Variants in PDS5B observed in about 807,000 individuals in gnomAD.
The protein encoded by PDS5B is sister chromatid cohesion protein PDS5 homolog B.
PDS5B carries 51 observed loss-of-function variants against 184.1 expected under a neutral mutation model. The observed-to-expected ratio is 0.28, with a 90% CI of 0.22 to 0.35. The LOEUF is 0.35. Among genes scored for constraint, PDS5B ranks in the 10% least tolerant of loss-of-function variants. The probability of loss-of-function intolerance (pLI) is 1.00; values close to 1 mark genes in which losing one functional copy is unlikely to be tolerated. For missense variants in PDS5B, 1,180 were observed against 1,723.3 expected, an observed-to-expected ratio of 0.68 and a Z score of 5.58; for synonymous variants, 566 against 569.2, an observed-to-expected ratio of 0.99 and a Z score of 0.08.
chr13:32,753,446 G>A lies in PDS5B; in HGVS notation c.2851G>A (p.Val951Ile). The change falls in exon 25 of 35, where the codon GTA becomes ATA. Residue 951 changes from valine to isoleucine, a missense_variant. Around this residue, in one of 11 missense-constraint regions of PDS5B, gnomAD observed 40 missense variants for 107.2 expected, o/e 0.37. Transcript: ENST00000315596. ...CTGTGCCCTTTGTGCAAAAGATCCT[G>A]TAAAGGAGAGAAGAGCTCATGCTAG... ...AICALCAKDP[V>I]KERRAHARQC... 1 of 1,613,858 alleles carries A rather than the reference G, an allele frequency of 6.2e-7. No homozygotes were observed.
intron 19 of PDS5B, among the ~76,000 whole-genome samples, chr13:32,712,485 A>G (rs1952239393): frequency 6.6e-6 from 1 of 152,218 alleles, no homozygotes; most frequent in Admixed American, 6.5e-5. Context: ...GAAAAATAAT[A>G]TAGTTAAGAG....
intron 34 of PDS5B, 71 bp from the exon 35 acceptor site, chr13:32,774,945 TA>T: frequency 2.3e-6 from 3 of 1,306,742 alleles, no homozygotes; most frequent in South Asian, 1.3e-5. Flanking sequence ...AAAGATTAGT[TA>T]AAAATGATTA....
At chr13:32,767,246 G>A (rs1395747013) in intron 31 of PDS5B, among the ~76,000 whole-genome samples, 2 of 152,048 alleles carry the variant, frequency 1.3e-5, no homozygotes, top group African/African-American at 2.4e-5. Flanking sequence ...AGTACCAGAA[G>A]GATACATCTT....
At chr13:32,600,243 T>A (rs2057952172) in intron 1 of PDS5B, among the ~76,000 whole-genome samples, 1 of 152,242 alleles carries the variant, frequency 6.6e-6, no homozygotes, top group Admixed American at 6.5e-5. Flanking sequence ...ATTAATGGAC[T>A]TTTGACTCTT....
intron 31 of PDS5B, among the ~76,000 whole-genome samples, chr13:32,768,174 G>A (rs536078080): frequency 9.8e-5 from 15 of 152,292 alleles, no homozygotes; most frequent in Non-Finnish European, 1.5e-4. Context: ...TTTTCTTACA[G>A]TTCTGGAGGC....
chr13:32,626,092 G>T (rs931882242), intron 1 of PDS5B, among the ~76,000 whole-genome samples: 2 of 152,002 alleles, frequency 1.3e-5, no homozygotes, highest in Non-Finnish European at 2.9e-5. Context: ...TATCTGCCTC[G>T]GCCTCCCAAA....
At chr13:32,588,679 A>G (rs2057728332) in intron 1 of PDS5B, among the ~76,000 whole-genome samples, 1 of 152,052 alleles carries the variant, frequency 6.6e-6, no homozygotes, top group African/African-American at 2.4e-5. Flanking sequence ...CTCTCCCCAT[A>G]TTAGAGAGAG....
At chr13:32,750,189 CTT>C (rs1334768232) in intron 24 of PDS5B, among the ~76,000 whole-genome samples, 1 of 152,102 alleles carries the variant, frequency 6.6e-6, no homozygotes, top group Non-Finnish European at 1.5e-5. Flanking sequence ...ACTTTGATGA[CTT>C]TTTGAAAACC....
At chr13:32,718,077 A>G (rs1952537972) in intron 19 of PDS5B, among the ~76,000 whole-genome samples, 1 of 152,160 alleles carries the variant, frequency 6.6e-6, no homozygotes. Context: ...CCTACTATTT[A>G]TGTTTACAAT....
chr13:32,637,529 C>T (rs186892165), intron 1 of PDS5B, among the ~76,000 whole-genome samples: 2 of 152,096 alleles, frequency 1.3e-5, no homozygotes, highest in Admixed American at 1.3e-4. Flanking sequence ...TATGTGCGGA[C>T]TGGAGTTGAA....
At chr13:32,659,349 G>A (rs774072578) in intron 6 of PDS5B, 69 bp downstream of exon 6, 10 of 1,201,706 alleles carry the variant, frequency 8.3e-6, no homozygotes, top group East Asian at 2.7e-5. Flanking sequence ...TTGTGCTTAG[G>A]TTCTAAATAT....
intron 6 of PDS5B, among the ~76,000 whole-genome samples, chr13:32,662,051 T>C (rs1388359487): frequency 6.6e-6 from 1 of 152,128 alleles, no homozygotes; most frequent in Non-Finnish European, 1.5e-5. Flanking sequence ...GTTCTCAGAT[T>C]GGATTGAACA....
intron 25 of PDS5B, among the ~76,000 whole-genome samples, chr13:32,753,859 A>G (rs576810385): frequency 1.3e-5 from 2 of 152,180 alleles, no homozygotes; most frequent in East Asian, 1.9e-4. Flanking sequence ...GGAAAAAAGT[A>G]CAAGACTTTG....
intron 1 of PDS5B, among the ~76,000 whole-genome samples, chr13:32,619,490 A>G (rs2058265257): frequency 6.6e-6 from 1 of 152,210 alleles, no homozygotes; most frequent in African/African-American, 2.4e-5. Flanking sequence ...CATGAATAGA[A>G]CTTGCAGGAC....
chr13:32,669,018 A>G (rs1030572128), intron 7 of PDS5B, among the ~76,000 whole-genome samples: 3 of 152,208 alleles, frequency 2.0e-5, no homozygotes, highest in Admixed American at 2.0e-4. Context: ...AATTGCTCCA[A>G]GATTTTCAGG....
At chr13:32,733,869 G>A (rs748405795) in intron 20 of PDS5B, among the ~76,000 whole-genome samples, 1 of 151,924 alleles carries the variant, frequency 6.6e-6, no homozygotes, top group East Asian at 1.9e-4. Flanking sequence ...ATACAAGTAA[G>A]GGCATGTAAA....
chr13:32,667,936 T>G (rs1179006025), intron 7 of PDS5B, 92 bp downstream of exon 7: 1 of 580,804 alleles, frequency 1.7e-6, no homozygotes. Flanking sequence ...GTATATAGTT[T>G]TAAAAACAAC....
At chr13:32,748,924 A>G (rs1325022000) in intron 24 of PDS5B, among the ~76,000 whole-genome samples, 1 of 151,922 alleles carries the variant, frequency 6.6e-6, no homozygotes, top group Non-Finnish European at 1.5e-5. Flanking sequence ...TTTCTTGACC[A>G]TTCTTATTGC....
chr13:32,646,659 C>T (rs925604296), intron 1 of PDS5B, among the ~76,000 whole-genome samples: 1 of 151,376 alleles, frequency 6.6e-6, no homozygotes, highest in African/African-American at 2.4e-5. Flanking sequence ...CAGCATGTAT[C>T]CACTTTTTTC....
Sources: gnomAD v4.1 joint callset for allele counts (sites outside exome capture counted in the v4.1 genomes callset) on GRCh38, gnomAD v4.1.1 for gene constraint, gnomAD v4.1.1 regional missense constraint, MANE v1.5 for transcripts, NCBI Gene and HGNC (gene_info 2026-07-23, HGNC 2026-07-21) for gene names.